Variants in FAM241A observed in about 807,000 individuals in gnomAD.
FAM241A encodes the protein uncharacterized protein FAM241A.
Under a neutral mutation model 12.2 loss-of-function variants are expected in FAM241A, and 7 were observed. The ratio of observed to expected loss-of-function variants is 0.58; its 90% CI spans 0.33 to 1.08. The LOEUF is 1.08. FAM241A is among the 50% of genes least tolerant of loss of function. The probability of loss-of-function intolerance (pLI) is 0.04; values close to 1 mark genes in which losing one functional copy is unlikely to be tolerated. For missense variants in FAM241A, 161 were observed against 169.7 expected (o/e 0.95, Z 0.29); for synonymous variants, 74 against 68.2 (o/e 1.08, Z -0.42).
Position 112,187,108 on chromosome 4 carries a change from A to G in FAM241A, c.*170A>G, listed in dbSNP as rs1485465231. Reference sequence around the variant, plus strand: ...GTCACTTAAAACTAAACTCTTGATCATAACAGGGTTGAATATATATTTTGA... The same window carrying G: ...GTCACTTAAAACTAAACTCTTGATCGTAACAGGGTTGAATATATATTTTGA... On this transcript the variant is annotated 3_prime_UTR_variant, in exon 2 of 2. Coordinates refer to ENST00000309733, the MANE Select transcript of FAM241A (RefSeq NM_152400.3). 11 of 679,668 alleles carry G rather than the reference A, an allele frequency of 1.6e-5. No individual in the cohort carries two copies. The South Asian group carries it at 1.9e-4, about 12-fold the overall frequency. The allele number at this position is 679,668 out of a possible 1,614,324, so 42.1% of individuals were successfully genotyped here.
intron 1 of FAM241A, among the ~76,000 whole-genome samples, chr4:112,183,394 C>A (rs1443368819): frequency 1.3e-5 from 2 of 152,076 alleles, no homozygotes; most frequent in Non-Finnish European, 2.9e-5. Flanking sequence ...ATCTCAAGAT[C>A]TGAGATAATG....
chr4:112,175,842 C>T (rs943233382), intron 1 of FAM241A, among the ~76,000 whole-genome samples: 1 of 151,752 alleles, frequency 6.6e-6, no homozygotes. Context: ...CTTCAACCAA[C>T]ACGTGGACTA....
intron 1 of FAM241A, among the ~76,000 whole-genome samples, chr4:112,155,954 A>G (rs1723344536): frequency 6.6e-6 from 1 of 152,202 alleles, no homozygotes; most frequent in South Asian, 2.1e-4. Flanking sequence ...CAAGGAGGTT[A>G]AGTAACATAG....
chr4:112,184,493 A>C (rs1019678821), intron 1 of FAM241A, among the ~76,000 whole-genome samples: 1 of 152,126 alleles, frequency 6.6e-6, no homozygotes, highest in Admixed American at 6.5e-5. Flanking sequence ...GTGCCATTGC[A>C]CTCCAGCCTG....
chr4:112,153,830 TA>T (rs1723297782), intron 1 of FAM241A, among the ~76,000 whole-genome samples: 1 of 152,194 alleles, frequency 6.6e-6, no homozygotes, highest in Non-Finnish European at 1.5e-5. Flanking sequence ...TTATGGAAAA[TA>T]AAGGATAAAA....
At chr4:112,169,618 TA>T (rs1723675739) in intron 1 of FAM241A, among the ~76,000 whole-genome samples, 1 of 152,142 alleles carries the variant, frequency 6.6e-6, no homozygotes. Flanking sequence ...TTGAGACACA[TA>T]ATTTTATAGT....
At chr4:112,168,511 T>C (rs1407776307) in intron 1 of FAM241A, among the ~76,000 whole-genome samples, 2 of 152,174 alleles carry the variant, frequency 1.3e-5, no homozygotes, top group Admixed American at 1.3e-4. Context: ...TAAATATAAA[T>C]GGCATTTTCA....
intron 1 of FAM241A, among the ~76,000 whole-genome samples, chr4:112,159,248 A>G (rs2110423337): frequency 6.6e-6 from 1 of 152,282 alleles, no homozygotes; most frequent in Non-Finnish European, 1.5e-5. Context: ...CTTAGTAACT[A>G]TGGTAACATA....
intron 1 of FAM241A, among the ~76,000 whole-genome samples, chr4:112,164,343 G>T (rs1019279602): frequency 2.0e-5 from 3 of 150,692 alleles, no homozygotes; most frequent in Non-Finnish European, 3.0e-5. Flanking sequence ...GCAAACGATC[G>T]CAAGGACAGA....
chr4:112,189,003 A>G lies in FAM241A; in HGVS notation c.*2065A>G, dbSNP rs920679558. Reference sequence around the variant, plus strand: ...CAAACTTTGCCTATGTAATGGAAATAAAATATTTTCTTTTATGAAATATAT... The same window carrying G: ...CAAACTTTGCCTATGTAATGGAAATGAAATATTTTCTTTTATGAAATATAT... On this transcript the variant is annotated 3_prime_UTR_variant, in exon 2 of 2. Transcript: ENST00000309733. The G allele has an allele frequency of 6.6e-6, 1 of 152,202 alleles. No homozygotes were observed. Among genetic ancestry groups the G allele is most frequent in the Non-Finnish European group, 1.5e-5 (1 of 68,018 alleles). 9.4% of individuals were successfully genotyped at this position (152,202 alleles called of 1,614,324 possible).
chr4:112,174,948 A>G (rs181179863), intron 1 of FAM241A, among the ~76,000 whole-genome samples: 27 of 152,358 alleles, frequency 1.8e-4, no homozygotes, highest in Non-Finnish European at 3.2e-4. Flanking sequence ...AAAACTGTGT[A>G]TATGCCCAAG....
chr4:112,167,795 GTTGAA>G (rs1474318483), intron 1 of FAM241A, among the ~76,000 whole-genome samples: 1 of 152,188 alleles, frequency 6.6e-6, no homozygotes, highest in Admixed American at 6.5e-5. Context: ...ATTATTATTT[GTTGAA>G]TTGAACTAAA....
intron 1 of FAM241A, among the ~76,000 whole-genome samples, chr4:112,184,373 C>T (rs1723999748): frequency 6.6e-6 from 1 of 152,088 alleles, no homozygotes; most frequent in Non-Finnish European, 1.5e-5. Flanking sequence ...CTAGTAAATA[C>T]AAAAGATTAG....
At chr4:112,171,902 CA>C (rs914272868) in intron 1 of FAM241A, among the ~76,000 whole-genome samples, 1 of 151,878 alleles carries the variant, frequency 6.6e-6, no homozygotes, top group Admixed American at 6.6e-5. Flanking sequence ...AGTTTATATT[CA>C]AAAAAAGTAT....
chr4:112,150,951 CTG>C (rs1461943150), intron 1 of FAM241A, among the ~76,000 whole-genome samples: 1 of 152,184 alleles, frequency 6.6e-6, no homozygotes, highest in African/African-American at 2.4e-5. Context: ...AAAGTCCTAA[CTG>C]AAACGAAATC....
intron 1 of FAM241A, among the ~76,000 whole-genome samples, chr4:112,163,668 C>T: frequency 6.6e-6 from 1 of 152,172 alleles, no homozygotes; most frequent in Non-Finnish European, 1.5e-5. Context: ...ACAACTGGTG[C>T]TGGAGAGGAT....
intron 1 of FAM241A, among the ~76,000 whole-genome samples, chr4:112,171,888 C>A (rs72664574): frequency 0.081 from 12,366 of 151,994 alleles, 709 homozygotes; most frequent in Middle Eastern, 0.13. Context: ...AAAAAAAAAT[C>A]TTGAGTTTAT....
chr4:112,187,022 A>G lies in FAM241A; in HGVS notation c.*84A>G. ...ATATATTTCACTTTTTGACAACCGA[A>G]AAAGTTTGCCTTGTTTCAAATCATG... On this transcript the variant is annotated 3_prime_UTR_variant, in exon 2 of 2. Coordinates refer to ENST00000309733, the MANE Select transcript of FAM241A (RefSeq NM_152400.3). 1 of 1,494,956 alleles carries G rather than the reference A, an allele frequency of 6.7e-7. No individual in the cohort carries two copies. The highest frequency in any genetic ancestry group is 9.0e-7 in the Non-Finnish European group (1 of 1,112,408). The allele number at this position is 1,494,956 out of a possible 1,614,324, so 92.6% of individuals were successfully genotyped here.
intron 1 of FAM241A, among the ~76,000 whole-genome samples, chr4:112,177,874 C>T (rs940257248): frequency 6.6e-6 from 1 of 152,246 alleles, no homozygotes; most frequent in East Asian, 1.9e-4. Flanking sequence ...GAAAAATTCA[C>T]AACTATGCTC....
Sources: gnomAD v4.1 joint callset for allele counts (sites outside exome capture counted in the v4.1 genomes callset) on GRCh38, gnomAD v4.1.1 for gene constraint, MANE v1.5 for transcripts, NCBI Gene and HGNC (gene_info 2026-07-23, HGNC 2026-07-21) for gene names.